Variants in ATP8B4 observed in about 807,000 individuals in gnomAD.
The protein encoded by ATP8B4 is probable phospholipid-transporting ATPase IM.
ATP8B4 carries 133 observed loss-of-function variants against 145.6 expected under a neutral mutation model. The ratio of observed to expected loss-of-function variants is 0.91; its 90% CI spans 0.79 to 1.05. The LOEUF (loss-of-function observed/expected upper bound fraction) is 1.05, where lower values mean the gene tolerates loss of function less well. Ranked by LOEUF, ATP8B4 falls within the 50% of genes least tolerant of loss-of-function variation. The probability of loss-of-function intolerance (pLI) is 0.00; values close to 1 mark genes in which losing one functional copy is unlikely to be tolerated. For missense variants in ATP8B4, 1,458 were observed against 1,425.2 expected, an observed-to-expected ratio of 1.02 and a Z score of -0.37; for synonymous variants, 507 against 492.9, an observed-to-expected ratio of 1.03 and a Z score of -0.38.
intron 3 of ATP8B4, among the ~76,000 whole-genome samples, chr15:50,072,949 TCTCTCTC>T (rs2053863894): frequency 3.6e-5 from 1 of 27,790 alleles, no homozygotes; most frequent in Non-Finnish European, 6.3e-5. Context: ...TCTCTCTCTC[TCTCTCTC>T]TCTCTCTCTC....
At chr15:50,043,777 C>A (rs973457665) in intron 5 of ATP8B4, among the ~76,000 whole-genome samples, 10 of 151,206 alleles carry the variant, frequency 6.6e-5, no homozygotes, top group Non-Finnish European at 1.3e-4. Context: ...CAAGGTGAAA[C>A]CCCGTCTCTA....
At chr15:50,085,430 G>T (rs2153646559) in intron 2 of ATP8B4, among the ~76,000 whole-genome samples, 1 of 152,158 alleles carries the variant, frequency 6.6e-6, no homozygotes, top group East Asian at 1.9e-4. Flanking sequence ...GTGTTTCCTG[G>T]AGTCTATTTA....
intron 11 of ATP8B4, 88 bp downstream of exon 11, chr15:49,981,118 T>A: frequency 8.8e-7 from 1 of 1,137,216 alleles, no homozygotes; most frequent in Non-Finnish European, 1.3e-6. Context: ...ACAAGGAGAA[T>A]GTAGGCTTCT....
At chr15:50,151,740 CAAAAAAAAA>C (rs58413585) in intron 1 of ATP8B4, among the ~76,000 whole-genome samples, 3 of 91,788 alleles carry the variant, frequency 3.3e-5, no homozygotes, top group Admixed American at 1.2e-4. Context: ...GAACCTGTCT[CAAAAAAAAA>C]AAAAAAAAAA....
At chr15:50,061,702 T>A (rs2053039354) in intron 3 of ATP8B4, among the ~76,000 whole-genome samples, 1 of 152,186 alleles carries the variant, frequency 6.6e-6, no homozygotes. Context: ...GCACTTGGCT[T>A]TTTGAGTAGC....
chr15:49,941,409 T>C (rs12916154), intron 14 of ATP8B4, among the ~76,000 whole-genome samples: 57,567 of 151,802 alleles, frequency 0.38, 11,539 homozygotes, highest in African/African-American at 0.42. Context: ...CATAGGCTGG[T>C]GCAAGGTAAC....
intron 23 of ATP8B4, among the ~76,000 whole-genome samples, chr15:49,894,479 C>T (rs998305490): frequency 5.3e-5 from 8 of 152,130 alleles, no homozygotes; most frequent in African/African-American, 1.9e-4. Flanking sequence ...CTATTTAAAT[C>T]AGACAAGAAC....
intron 1 of ATP8B4, among the ~76,000 whole-genome samples, chr15:50,171,856 T>C (rs2044679462): frequency 6.6e-6 from 1 of 151,766 alleles, no homozygotes; most frequent in South Asian, 2.1e-4. Flanking sequence ...AAAATCCAAA[T>C]AACCTCACTA....
intron 18 of ATP8B4, among the ~76,000 whole-genome samples, chr15:49,919,365 C>T (rs937204215): frequency 1.2e-4 from 18 of 152,166 alleles, no homozygotes; most frequent in African/African-American, 3.6e-4. Context: ...ATTAACAAAC[C>T]AGCAGACGCC....
intron 3 of ATP8B4, among the ~76,000 whole-genome samples, chr15:50,062,526 C>A (rs1042928771): frequency 6.6e-6 from 1 of 151,980 alleles, no homozygotes; most frequent in African/African-American, 2.4e-5. Context: ...CAGTCCAAGA[C>A]AACATGGCTG....
At chr15:50,124,042 C>T (rs2057291521), upstream of ATP8B4, among the ~76,000 whole-genome samples, 1 of 152,110 alleles carries the variant, frequency 6.6e-6, no homozygotes, top group South Asian at 2.1e-4. Flanking sequence ...TGTTCCTGGG[C>T]CACCACGCCC....
intron 2 of ATP8B4, among the ~76,000 whole-genome samples, chr15:50,088,848 G>A (rs533784895): frequency 6.6e-6 from 1 of 152,258 alleles, no homozygotes; most frequent in South Asian, 2.1e-4. Context: ...ATGGATGGAT[G>A]GCTAGATAGA....
In ATP8B4 at chr15:49,972,777, G is replaced by A. The variant is rs752810289; in HGVS notation, c.1048C>T (p.Arg350Cys). The A allele has an allele frequency of 2.5e-6, 4 of 1,612,958 alleles. No individual in the cohort carries two copies. Among genetic ancestry groups the A allele is most frequent in the South Asian group, 1.1e-5 (1 of 90,932 alleles). The change falls in exon 13 of 28, where the codon CGT (arginine) becomes TGT (cysteine). Residue 350 changes from arginine (R) to cysteine (C), a missense_variant. By Grantham distance (180) the Arg-to-Cys change is radical. Coordinates refer to ENST00000284509, the MANE Select transcript of ATP8B4 (RefSeq NM_024837.4). ...ISLYVSVEVI[R>C]LGHSYFINWD... ...TTTATAAAATAACTGTGTCCTAGACGAATTACTTCCACACTATCATCCATT... is the reference window on the plus strand; with the variant it reads ...TTTATAAAATAACTGTGTCCTAGACAAATTACTTCCACACTATCATCCATT...
Position 50,085,952 on chromosome 15 carries a change from A to C in ATP8B4, c.29-11767T>G, listed in dbSNP as rs1322779885. Among the ~76,000 whole-genome samples, 18 of 82,242 alleles carry C rather than the reference A, an allele frequency of 2.2e-4. 1 individual carries two copies. The highest frequency in any genetic ancestry group is 3.1e-4 in the Non-Finnish European group (14 of 45,794). The allele number at this position is 82,242 out of a possible 152,430, so 54.0% of individuals were successfully genotyped here. A position where few individuals can be genotyped will look rare whatever the true frequency, so the allele number is the denominator to read the frequency against. On this transcript the variant is annotated intron_variant, in intron 2 of 27. Coordinates refer to ENST00000284509, the MANE Select transcript of ATP8B4 (RefSeq NM_024837.4). ...TCATATATATTTATATATGATATAT[A>C]TCATATATATTTATATATGATATAT...
chr15:50,011,624 T>C (rs1017647685), intron 6 of ATP8B4, among the ~76,000 whole-genome samples: 3 of 152,192 alleles, frequency 2.0e-5, no homozygotes, highest in Non-Finnish European at 4.4e-5. Flanking sequence ...TGAAAAGCTA[T>C]TGTGTCCATT....
chr15:49,987,526 T>A lies in ATP8B4; in HGVS notation c.613A>T (p.Asn205Tyr), dbSNP rs1462539597. 6.2e-7 allele frequency: 1 copy of A among 1,613,450 alleles called. No homozygotes were observed. The highest frequency in any genetic ancestry group is 8.5e-7 in the Non-Finnish European group (1 of 1,179,726). ...CCCATGAATTTATCTAACTTGTTGT[T>A]AGGCACCTCACAGACAACAATCCCT... The part of the protein sequence containing the change: ...FDGIVVCEVP[N>Y]NKLDKFMGIL... Residue 205 changes from asparagine (N) to tyrosine (Y), a missense_variant, in exon 10 of 28, where the codon AAC (asparagine) becomes TAC (tyrosine). By Grantham distance (143) the Asn-to-Tyr change is moderately radical. Transcript: ENST00000284509.
At chr15:50,044,517 A>G (rs2051567882) in intron 5 of ATP8B4, 77 bp downstream of exon 5, 1 of 1,006,808 alleles carries the variant, frequency 9.9e-7, no homozygotes, top group Non-Finnish European at 1.5e-6. Context: ...AAAATTTCAA[A>G]TGTATCTTCA....
At chr15:50,013,465 A>T (rs553882457) in intron 6 of ATP8B4, among the ~76,000 whole-genome samples, 1 of 152,304 alleles carries the variant, frequency 6.6e-6, no homozygotes, top group Non-Finnish European at 1.5e-5. Context: ...AGGAGAAGTT[A>T]TAAGATTTTA....
At chr15:50,113,610 G>T (rs1201501865) in intron 1 of ATP8B4, among the ~76,000 whole-genome samples, 1 of 152,032 alleles carries the variant, frequency 6.6e-6, no homozygotes, top group Admixed American at 6.5e-5. Context: ...AGGCCGAGGT[G>T]GGTGGATCAC....
Sources: gnomAD v4.1 joint callset for allele counts (sites outside exome capture counted in the v4.1 genomes callset) on GRCh38, gnomAD v4.1.1 for gene constraint, MANE v1.5 for transcripts, NCBI Gene and HGNC (gene_info 2026-07-23, HGNC 2026-07-21) for gene names.